Variants in MCTP2 observed in about 807,000 individuals in gnomAD.
The protein encoded by MCTP2 is multiple C2 and transmembrane domain containing 2.
In MCTP2, 132 loss-of-function variants were observed where a neutral mutation model predicts 111.6. The ratio of observed to expected loss-of-function variants is 1.18; its 90% CI spans 1.03 to 1.37. The LOEUF (loss-of-function observed/expected upper bound fraction) is 1.37. MCTP2 is among the 40% of genes most tolerant of loss of function. The pLI is 0.00. For missense variants in MCTP2, 1,183 were observed against 1,067.9 expected (o/e 1.11, Z -1.50); for synonymous variants, 395 against 387.7 (o/e 1.02, Z -0.22).
At chr15:94,247,879 A>G (rs1461413552) in intron 1 of MCTP2, among the ~76,000 whole-genome samples, 1 of 152,182 alleles carries the variant, frequency 6.6e-6, no homozygotes, top group Non-Finnish European at 1.5e-5. Flanking sequence ...TTCTGAATTC[A>G]TTCATTTGTT....
chr15:94,356,579 G>A (rs919063189), intron 9 of MCTP2, among the ~76,000 whole-genome samples: 2 of 152,114 alleles, frequency 1.3e-5, no homozygotes, highest in African/African-American at 4.8e-5. Flanking sequence ...TTGAAAATAA[G>A]CAAACTATGT....
At chr15:94,407,112 C>A (rs1157729020) in intron 17 of MCTP2, among the ~76,000 whole-genome samples, 2 of 152,054 alleles carry the variant, frequency 1.3e-5, no homozygotes, top group Admixed American at 6.6e-5. Context: ...TAGATCCAAT[C>A]ATGTATGGGT....
At chr15:94,312,825 G>T (rs1214240204) in intron 2 of MCTP2, among the ~76,000 whole-genome samples, 1 of 152,160 alleles carries the variant, frequency 6.6e-6, no homozygotes, top group Non-Finnish European at 1.5e-5. Flanking sequence ...CTTGTTTGCA[G>T]CTCCTCACCA....
chr15:94,413,569 AGT>A (rs34860214), intron 17 of MCTP2, among the ~76,000 whole-genome samples: 83 of 149,296 alleles, frequency 5.6e-4, no homozygotes, highest in African/African-American at 9.9e-4. Context: ...CATGACGCTG[AGT>A]GTGTGTGTGT....
At chr15:94,415,074 A>T (rs1207350610) in intron 17 of MCTP2, among the ~76,000 whole-genome samples, 1 of 152,108 alleles carries the variant, frequency 6.6e-6, no homozygotes, top group Non-Finnish European at 1.5e-5. Context: ...AGGAGTGACT[A>T]AGAGATCAAA....
intron 17 of MCTP2, among the ~76,000 whole-genome samples, chr15:94,435,521 C>T (rs2083421716): frequency 6.6e-6 from 1 of 150,888 alleles, no homozygotes; most frequent in African/African-American, 2.4e-5. Flanking sequence ...ATACCATGGA[C>T]TTTGCTGAAT....
At chr15:94,318,493 T>G (rs1730183722) in intron 4 of MCTP2, among the ~76,000 whole-genome samples, 1 of 152,068 alleles carries the variant, frequency 6.6e-6, no homozygotes, top group South Asian at 2.1e-4. Flanking sequence ...CAGGCTGGTC[T>G]CAAACTCCTG....
chr15:94,258,654 C>G (rs2072997386), intron 1 of MCTP2, among the ~76,000 whole-genome samples: 1 of 151,968 alleles, frequency 6.6e-6, no homozygotes, highest in Non-Finnish European at 1.5e-5. Context: ...AACTAAAAAC[C>G]AAAAAACCAA....
chr15:94,257,443 A>G (rs1197458833), intron 1 of MCTP2, among the ~76,000 whole-genome samples: 1 of 151,664 alleles, frequency 6.6e-6, no homozygotes. Flanking sequence ...TATCTCCCAT[A>G]TATTTTGCGT....
At chr15:94,406,184 G>A (rs989420255) in intron 17 of MCTP2, among the ~76,000 whole-genome samples, 1 of 152,152 alleles carries the variant, frequency 6.6e-6, no homozygotes, top group Non-Finnish European at 1.5e-5. Flanking sequence ...ACTGTCCCAA[G>A]GATTTTATAA....
intron 1 of MCTP2, among the ~76,000 whole-genome samples, chr15:94,291,915 T>C (rs2075050197): frequency 6.6e-6 from 1 of 152,222 alleles, no homozygotes. Context: ...AAAGCAGTCA[T>C]CGCCAATATG....
chr15:94,392,215 A>T (rs2081021981), intron 14 of MCTP2, among the ~76,000 whole-genome samples: 1 of 151,940 alleles, frequency 6.6e-6, no homozygotes, highest in African/African-American at 2.4e-5. Context: ...ACTAAAAAAT[A>T]CAAAAAATTA....
At position 94,470,532 on chromosome 15, in the gene MCTP2, G is replaced by A. The variant is rs1366626368; in HGVS notation, c.2470+90G>A. ...AAGTGCGACTATTAATTTTAAATGT[G>A]CTCTTGTTGGCAATTAAACATGAGA... On this transcript the variant is annotated intron_variant, in intron 21 of 22. Coordinates refer to ENST00000357742, the MANE Select transcript of MCTP2 (RefSeq NM_001385001.1). 1.4e-5 allele frequency: 13 copies of A among 962,768 alleles called. No individual in the cohort carries two copies. The East Asian group carries it at 2.2e-4, about 16-fold the overall frequency. 59.6% of individuals were successfully genotyped at this position (962,768 alleles called of 1,614,324 possible). A position where few individuals can be genotyped will look rare whatever the true frequency, so the allele number is the denominator to read the frequency against.
chr15:94,342,654 A>G (rs2077715206), intron 7 of MCTP2: 2 of 151,790 alleles, frequency 1.3e-5, no homozygotes, highest in East Asian at 1.9e-4. Context: ...ATATATACGC[A>G]TATTTATCTC....
intron 1 of MCTP2, among the ~76,000 whole-genome samples, chr15:94,275,389 G>C (rs1369954376): frequency 6.6e-6 from 1 of 151,844 alleles, no homozygotes; most frequent in Non-Finnish European, 1.5e-5. Context: ...TGTGTTAGAA[G>C]GAATAACAGA....
intron 10 of MCTP2, among the ~76,000 whole-genome samples, chr15:94,361,344 A>T (rs1351272006): frequency 2.0e-5 from 3 of 152,090 alleles, no homozygotes; most frequent in Non-Finnish European, 4.4e-5. Flanking sequence ...TCTTCAGGGA[A>T]GCTGTGTAGG....
At chr15:94,242,950 C>T (rs77508275) in intron 1 of MCTP2, among the ~76,000 whole-genome samples, 1,096 of 82,130 alleles carry the variant, frequency 0.013, 32 homozygotes, top group Middle Eastern at 0.02. Flanking sequence ...TATGTAGATA[C>T]ACATATACAC....
chr15:94,407,775 G>GCACACACACACACACACACACA (rs57851445), intron 17 of MCTP2, among the ~76,000 whole-genome samples: 2 of 147,698 alleles, frequency 1.4e-5, no homozygotes, highest in Non-Finnish European at 1.5e-5. Flanking sequence ...ATGTACTTGT[G>GCACACACACACACACACACACA]CACACACACA....
At chr15:94,456,291 C>A (rs1050925378) in intron 19 of MCTP2, among the ~76,000 whole-genome samples, 1 of 152,180 alleles carries the variant, frequency 6.6e-6, no homozygotes, top group African/African-American at 2.4e-5. Flanking sequence ...GCTTTCTTCA[C>A]AACCAGAACC....
Sources: gnomAD v4.1 joint callset for allele counts (sites outside exome capture counted in the v4.1 genomes callset) on GRCh38, gnomAD v4.1.1 for gene constraint, MANE v1.5 for transcripts, NCBI Gene and HGNC (gene_info 2026-07-23, HGNC 2026-07-21) for gene names.